The following VTCN1 variants were observed in gnomAD, a reference collection of about 807,000 sequenced individuals.
VTCN1 encodes the protein V-set domain-containing T-cell activation inhibitor 1.
In VTCN1, 26 loss-of-function variants were observed where a neutral mutation model predicts 26.5. The observed-to-expected ratio is 0.98, with a 90% CI of 0.72 to 1.36. VTCN1 has a LOEUF of 1.36. Ranked by LOEUF, VTCN1 falls within the 40% of genes most tolerant of loss-of-function variation. The probability of loss-of-function intolerance (pLI) is 0.00; values close to 1 mark genes in which losing one functional copy is unlikely to be tolerated. For missense variants in VTCN1, 298 were observed against 337.7 expected, an observed-to-expected ratio of 0.88 and a Z score of 0.92; for synonymous variants, 116 against 130.7, an observed-to-expected ratio of 0.89 and a Z score of 0.77.
chr1:117,195,293 A>G (rs929847474), intron 1 of VTCN1, among the ~76,000 whole-genome samples: 2 of 149,496 alleles, frequency 1.3e-5, no homozygotes, highest in African/African-American at 2.4e-5. Context: ...TAATAATAAT[A>G]ATAATAATAT....
At position 117,169,073 on chromosome 1, in the gene VTCN1, C is replaced by A. The variant is rs145498096; in HGVS notation, c.97+1034G>T. Among the ~76,000 whole-genome samples the A allele has an allele frequency of 4.1e-3, 625 of 152,260 alleles. 3 individuals carry two copies. Among genetic ancestry groups the A allele is most frequent in the African/African-American group, 0.014 (596 of 41,550 alleles). On this transcript the variant is annotated intron_variant, in intron 2 of 5. Transcript: ENST00000369458. This position sits in a 1 kb window ranked among gnomAD's most constrained non-coding sequence, Gnocchi z 4.0. ...GAATATAGAAAATAAAGTTACGGAG[C>A]TTTGGTCACAGACTGAGTTAAAATG...
intron 1 of VTCN1, among the ~76,000 whole-genome samples, chr1:117,196,954 T>G (rs1215987970): frequency 1.3e-5 from 2 of 152,144 alleles, no homozygotes; most frequent in African/African-American, 4.8e-5. Flanking sequence ...GTTTGACACC[T>G]TTGGGGAATG....
intron 1 of VTCN1, among the ~76,000 whole-genome samples, chr1:117,204,042 A>G (rs1378684571): frequency 6.6e-6 from 1 of 152,204 alleles, no homozygotes; most frequent in Non-Finnish European, 1.5e-5. Flanking sequence ...AGGACTAGAA[A>G]GACGATGTCT....
At chr1:117,206,920 T>C (rs988765665) in intron 1 of VTCN1, among the ~76,000 whole-genome samples, 2 of 152,218 alleles carry the variant, frequency 1.3e-5, no homozygotes, top group African/African-American at 4.8e-5. Context: ...ATTCCTGTCC[T>C]GTTCACGGGA....
At position 117,155,744 on chromosome 1, in the gene VTCN1, T is replaced by C. The variant is rs1326810591; in HGVS notation, c.445+830A>G. On this transcript the variant is annotated intron_variant, in intron 3 of 5. Coordinates refer to ENST00000369458, the MANE Select transcript of VTCN1 (RefSeq NM_024626.4). The surrounding 1 kb of genome is among the most constrained non-coding windows in gnomAD (Gnocchi z 4.8). ...TGCAAGAAAGACCTGTGCATACTAGTTTAGGCTGGAAAGGCCCGGTTTCTG... is the reference window on the plus strand; with the variant it reads ...TGCAAGAAAGACCTGTGCATACTAGCTTAGGCTGGAAAGGCCCGGTTTCTG... Among the ~76,000 whole-genome samples the C allele has an allele frequency of 6.6e-6, 1 of 152,202 alleles. No individual in the cohort carries two copies. The highest frequency in any genetic ancestry group is 1.5e-5 in the Non-Finnish European group (1 of 68,040).
intron 1 of VTCN1, among the ~76,000 whole-genome samples, chr1:117,171,247 C>T (rs960683193): frequency 8.5e-5 from 13 of 152,180 alleles, no homozygotes; most frequent in Non-Finnish European, 1.3e-4. Flanking sequence ...TTTATCCAGC[C>T]TATCATTGAT....
At chr1:117,150,709 AATC>A (rs1342770580) in intron 4 of VTCN1, among the ~76,000 whole-genome samples, 11 of 152,242 alleles carry the variant, frequency 7.2e-5, no homozygotes, top group Admixed American at 3.3e-4. Flanking sequence ...TTATAAAACA[AATC>A]ATTAGAACTT....
chr1:117,160,130 A>C (rs1431059467), intron 2 of VTCN1, among the ~76,000 whole-genome samples: 2 of 152,198 alleles, frequency 1.3e-5, no homozygotes, highest in Non-Finnish European at 2.9e-5. Context: ...GCCCAAGAGG[A>C]GAGTGGAGGA....
chr1:117,165,847 C>T (rs1210055755), intron 2 of VTCN1, among the ~76,000 whole-genome samples: 1 of 152,186 alleles, frequency 6.6e-6, no homozygotes, highest in African/African-American at 2.4e-5. Flanking sequence ...ATATATTAAA[C>T]CAGCTAATAT....
intron 1 of VTCN1, among the ~76,000 whole-genome samples, chr1:117,177,404 G>A (rs1410273814): frequency 6.6e-6 from 1 of 152,120 alleles, no homozygotes; most frequent in Non-Finnish European, 1.5e-5. Flanking sequence ...GTAAAGTCAA[G>A]GCTGGCTTTG....
chr1:117,152,521 G>C lies in VTCN1; in HGVS notation c.724+570C>G, dbSNP rs1315339638. ...CTAGGGTGCTGGGTCTTCTCAGCCA[G>C]CTCTCAGCTAGGGTGCTGGGAGACC... On this transcript the variant is annotated intron_variant, in intron 4 of 5. Coordinates refer to ENST00000369458, the MANE Select transcript of VTCN1 (RefSeq NM_024626.4). 2.6e-5 allele frequency among the ~76,000 whole-genome samples: 4 copies of C among 152,122 alleles called. 1 individual carries two copies. Among genetic ancestry groups the C allele is most frequent in the African/African-American group, 7.2e-5 (3 of 41,432 alleles).
Position 117,190,012 on chromosome 1 carries a change from G to T in VTCN1, c.33-19841C>A, listed in dbSNP as rs1303134924. On this transcript the variant is annotated intron_variant, in intron 1 of 5. Coordinates refer to ENST00000369458, the MANE Select transcript of VTCN1 (RefSeq NM_024626.4). Reference sequence around the variant, plus strand: ...TTCAGCTACAACCCCATTTGGTCTTGGTCCTGCCACCAGAACCATCGGCTA... The same window carrying T: ...TTCAGCTACAACCCCATTTGGTCTTTGTCCTGCCACCAGAACCATCGGCTA... 2.0e-5 allele frequency among the ~76,000 whole-genome samples: 3 copies of T among 152,196 alleles called. No homozygotes were observed. The East Asian group carries it at 5.8e-4, about 29-fold the overall frequency.
chr1:117,208,619 GTCC>G (rs1222678868), intron 1 of VTCN1, among the ~76,000 whole-genome samples: 1 of 152,140 alleles, frequency 6.6e-6, no homozygotes, highest in Admixed American at 6.5e-5. Context: ...TTCTACCCCT[GTCC>G]TCCTAGCAAG....
intron 3 of VTCN1, among the ~76,000 whole-genome samples, chr1:117,154,193 G>A (rs370336261): frequency 1.8e-4 from 28 of 152,206 alleles, no homozygotes; most frequent in East Asian, 5.8e-4. Flanking sequence ...ACTCATGCTC[G>A]GAGCAGGCAG....
intron 1 of VTCN1, among the ~76,000 whole-genome samples, chr1:117,195,954 C>A (rs111534836): frequency 1.3e-5 from 2 of 151,994 alleles, no homozygotes; most frequent in Non-Finnish European, 2.9e-5. Context: ...GGTTTGAGAC[C>A]AATTTGGGCA....
chr1:117,202,111 C>G (rs879917768), intron 1 of VTCN1, among the ~76,000 whole-genome samples: 1 of 152,194 alleles, frequency 6.6e-6, no homozygotes, highest in Non-Finnish European at 1.5e-5. Context: ...CCTCGTAAGA[C>G]TTTAAGAAGC....
chr1:117,157,036 G>T (rs1652118951), intron 2 of VTCN1, 115 bp from the exon 3 acceptor site: 1 of 1,582,080 alleles, frequency 6.3e-7, no homozygotes, highest in Admixed American at 1.7e-5. Flanking sequence ...AAATACAGAA[G>T]AACATGAGAG....
At chr1:117,162,923 C>A (rs372338821) in intron 2 of VTCN1, among the ~76,000 whole-genome samples, 1 of 152,162 alleles carries the variant, frequency 6.6e-6, no homozygotes, top group Non-Finnish European at 1.5e-5. Flanking sequence ...AATGAGCTGT[C>A]CTTTGAAATG....
Position 117,147,580 on chromosome 1 carries a change from C to G in VTCN1, c.*45+33G>C, listed in dbSNP as rs1027987088. 31 of 1,561,148 alleles carry G rather than the reference C, an allele frequency of 2.0e-5. No individual in the cohort carries two copies. In the Admixed American group the frequency reaches 5.8e-4, roughly 29 times the overall value. Reference sequence around the variant, plus strand: ...ATTAGGAGCACAAGCACCCACAGAACCAATATCCCACACTATTTGTGATTA... The same window carrying G: ...ATTAGGAGCACAAGCACCCACAGAAGCAATATCCCACACTATTTGTGATTA... On this transcript the variant is annotated intron_variant, in intron 5 of 5. Coordinates refer to ENST00000369458, the MANE Select transcript of VTCN1 (RefSeq NM_024626.4). This position sits in a 1 kb window ranked among gnomAD's most constrained non-coding sequence, Gnocchi z 4.6.
Sources: allele counts gnomAD v4.1 joint callset (sites outside exome capture counted in the v4.1 genomes callset), GRCh38; gene constraint gnomAD v4.1.1; non-coding constraint Gnocchi (gnomAD v3.1); transcripts MANE v1.5; gene names NCBI Gene and HGNC (gene_info 2026-07-23, HGNC 2026-07-21).